The following PTP4A1 variants were observed in gnomAD, a reference collection of about 807,000 sequenced individuals.
PTP4A1 encodes protein tyrosine phosphatase type IVA 1.
PTP4A1 carries 9 observed loss-of-function variants against 20.5 expected under a neutral mutation model. That is an observed-to-expected ratio of 0.44 (90% CI 0.26 to 0.77). The LOEUF (loss-of-function observed/expected upper bound fraction) is 0.77, where lower values mean the gene tolerates loss of function less well. PTP4A1 is among the 30% of genes least tolerant of loss of function. PTP4A1 has a pLI of 0.19. For missense variants in PTP4A1, 137 were observed against 218.8 expected (o/e 0.63, Z 2.36); for synonymous variants, 78 against 67.4 (o/e 1.16, Z -0.77).
chr6:63,548,872 C>T (rs1776312967), intron 2 of PTP4A1: 7 of 777,850 alleles, frequency 9.0e-6, no homozygotes, highest in Non-Finnish European at 1.6e-5. Context: ...GCCAAAGCGC[C>T]TTTGTCTTCT....
upstream of PTP4A1, chr6:63,571,824 A>T (rs1397133221): frequency 6.6e-6 from 1 of 152,266 alleles, no homozygotes; most frequent in African/African-American, 2.4e-5. Flanking sequence ...CATCTTCTAT[A>T]GCCTTAAGTT....
intron 2 of PTP4A1, among the ~76,000 whole-genome samples, chr6:63,539,935 G>A (rs1775884494): frequency 6.6e-6 from 1 of 152,156 alleles, no homozygotes; most frequent in East Asian, 1.9e-4. Context: ...GACAAACATT[G>A]GAAAGTTGGA....
Position 63,582,408 on chromosome 6 carries a change from A to T in PTP4A1, c.*2234A>T, listed in dbSNP as rs988098668. 4 of 152,568 alleles carry T rather than the reference A, an allele frequency of 2.6e-5. No homozygotes were observed. Among genetic ancestry groups the T allele is most frequent in the African/African-American group, 9.7e-5 (4 of 41,404 alleles). 9.5% of individuals were successfully genotyped at this position (152,568 alleles called of 1,614,324 possible). On this transcript the variant is annotated 3_prime_UTR_variant, in exon 6 of 6. Transcript: ENST00000626021. ...GTATATATGGTGCTAAAAATAAATT[A>T]ATTTACTTTATAAACCTTATCTGTA... is the stretch of plus-strand genomic sequence containing the variant.
At chr6:63,539,924 G>A (rs1562116780) in intron 2 of PTP4A1, among the ~76,000 whole-genome samples, 1 of 152,180 alleles carries the variant, frequency 6.6e-6, no homozygotes, top group Non-Finnish European at 1.5e-5. Flanking sequence ...ATCCATTAAT[G>A]GACAAACATT....
At chr6:63,553,246 G>T (rs1206615495) in intron 3 of PTP4A1, among the ~76,000 whole-genome samples, 1 of 152,166 alleles carries the variant, frequency 6.6e-6, no homozygotes, top group Non-Finnish European at 1.5e-5. Flanking sequence ...TGATGTCAAA[G>T]CTCTGCTTTT....
upstream of PTP4A1, among the ~76,000 whole-genome samples, chr6:63,569,906 A>G (rs1777347710): frequency 6.6e-6 from 1 of 152,232 alleles, no homozygotes; most frequent in Non-Finnish European, 1.5e-5. Context: ...CTCAAATCAC[A>G]GAAGTCTCCT....
intron 3 of PTP4A1, 23 bp downstream of exon 3, chr6:63,578,552 G>A: frequency 1.9e-6 from 3 of 1,602,554 alleles, no homozygotes; most frequent in South Asian, 1.1e-5. Flanking sequence ...CAGTTCTTAT[G>A]GGTTTATGGT....
At chr6:63,542,437 A>C (rs1479333749) in intron 2 of PTP4A1, among the ~76,000 whole-genome samples, 3 of 151,760 alleles carry the variant, frequency 2.0e-5, no homozygotes, top group Admixed American at 6.6e-5. Context: ...AAAAAAAAAA[A>C]CTCTCCTTTG....
At chr6:63,522,664 C>T (rs1396265807) in intron 1 of PTP4A1, among the ~76,000 whole-genome samples, 4 of 152,104 alleles carry the variant, frequency 2.6e-5, no homozygotes, top group Non-Finnish European at 5.9e-5. Flanking sequence ...AAGTTTTTAT[C>T]ATTTTTTTCC....
At chr6:63,542,601 C>A (rs1776028477) in intron 2 of PTP4A1, among the ~76,000 whole-genome samples, 1 of 152,100 alleles carries the variant, frequency 6.6e-6, no homozygotes, top group Admixed American at 6.6e-5. Flanking sequence ...ACTCAATGAT[C>A]TAACCTTATT....
intron 2 of PTP4A1, among the ~76,000 whole-genome samples, chr6:63,531,453 C>T (rs1160138198): frequency 6.7e-6 from 1 of 148,560 alleles, no homozygotes; most frequent in Non-Finnish European, 1.5e-5. Context: ...ATAGACATCA[C>T]AAAATCCAGA....
At chr6:63,530,484 G>A (rs1775405568) in intron 2 of PTP4A1, among the ~76,000 whole-genome samples, 1 of 152,122 alleles carries the variant, frequency 6.6e-6, no homozygotes, top group Non-Finnish European at 1.5e-5. Flanking sequence ...AGATGTAAAT[G>A]GCTGCCTCAT....
chr6:63,557,783 T>C (rs2149493695), intron 3 of PTP4A1, among the ~76,000 whole-genome samples: 1 of 152,254 alleles, frequency 6.6e-6, no homozygotes, highest in Non-Finnish European at 1.5e-5. Context: ...CTTAAATATC[T>C]TGCGAAAGAG....
Position 63,580,335 on chromosome 6 carries a change from T to TGTATTTGG in PTP4A1, c.*164_*171dup. The TGTATTTGG allele has an allele frequency of 1.6e-6, 1 of 609,200 alleles. No individual in the cohort carries two copies. The highest frequency in any genetic ancestry group is 2.7e-5 in the Admixed American group (1 of 37,668). The allele number at this position is 609,200 out of a possible 1,614,324, so 37.7% of individuals were successfully genotyped here. A position where few individuals can be genotyped will look rare whatever the true frequency, so the allele number is the denominator to read the frequency against. On this transcript the variant is annotated 3_prime_UTR_variant, in exon 6 of 6. Coordinates refer to ENST00000626021, the MANE Select transcript of PTP4A1 (RefSeq NM_003463.5). ...CAAGCTAGACAGATTTGGCAACCTC[T>TGTATTTGG]GTATTTGGGTTACAGTCAACCTATT...
At chr6:63,537,893 T>C (rs1388543879) in intron 2 of PTP4A1, among the ~76,000 whole-genome samples, 5 of 152,036 alleles carry the variant, frequency 3.3e-5, no homozygotes, top group Non-Finnish European at 7.4e-5. Flanking sequence ...TTGGGGAGAA[T>C]CCTACCAATG....
chr6:63,543,279 C>T (rs1776057363), intron 2 of PTP4A1, among the ~76,000 whole-genome samples: 1 of 152,148 alleles, frequency 6.6e-6, no homozygotes, highest in South Asian at 2.1e-4. Context: ...ATTCAGACGT[C>T]AACTAAAATG....
At chr6:63,542,328 A>G (rs1242963507) in intron 2 of PTP4A1, among the ~76,000 whole-genome samples, 2 of 151,982 alleles carry the variant, frequency 1.3e-5, no homozygotes, top group Non-Finnish European at 2.9e-5. Context: ...TGCAGTGTAT[A>G]CTGCTCGGGT....
At chr6:63,522,439 C>G (rs1774969648) in intron 1 of PTP4A1, among the ~76,000 whole-genome samples, 1 of 152,164 alleles carries the variant, frequency 6.6e-6, no homozygotes, top group Admixed American at 6.6e-5. Context: ...ACCCTAGTTA[C>G]AATTCAGGTG....
chr6:63,525,246 T>G (rs539525381), intron 1 of PTP4A1, among the ~76,000 whole-genome samples: 103 of 152,326 alleles, frequency 6.8e-4, no homozygotes, highest in Non-Finnish European at 1.3e-3. Context: ...ATTAGTACTC[T>G]TTCAGGATCA....
Sources: gnomAD v4.1 joint callset for allele counts (sites outside exome capture counted in the v4.1 genomes callset) on GRCh38, gnomAD v4.1.1 for gene constraint, MANE v1.5 for transcripts, NCBI Gene and HGNC (gene_info 2026-07-23, HGNC 2026-07-21) for gene names.